SGCZ: variants seen among roughly 807,000 people sequenced by gnomAD.
The protein encoded by SGCZ is zeta-sarcoglycan.
In SGCZ, 40 loss-of-function variants were observed where a neutral mutation model predicts 41.3. That is an observed-to-expected ratio of 0.97 (90% confidence interval 0.75 to 1.26). The LOEUF is 1.26. Ranked by LOEUF, SGCZ falls within the 50% of genes most tolerant of loss-of-function variation. The probability of loss-of-function intolerance (pLI) is 0.00; values close to 1 mark genes in which losing one functional copy is unlikely to be tolerated. For synonymous variants in SGCZ, 206 were observed against 137.5 expected, an observed-to-expected ratio of 1.50 and a Z score of -3.49; for missense variants, 552 against 369.8, an observed-to-expected ratio of 1.49 and a Z score of -4.04.
At chr8:14,782,700 A>G (rs908495117) in intron 1 of SGCZ, among the ~76,000 whole-genome samples, 1 of 152,200 alleles carries the variant, frequency 6.6e-6, no homozygotes, top group Non-Finnish European at 1.5e-5. Context: ...AATTATTAGC[A>G]GATGCAATAA....
At chr8:14,784,799 G>T (rs1489003036) in intron 1 of SGCZ, among the ~76,000 whole-genome samples, 1 of 149,808 alleles carries the variant, frequency 6.7e-6, no homozygotes. Flanking sequence ...CTACTCAGGA[G>T]GCTGAGGCAG....
intron 1 of SGCZ, among the ~76,000 whole-genome samples, chr8:14,625,628 A>C (rs1585134994): frequency 6.6e-6 from 1 of 152,176 alleles, no homozygotes; most frequent in South Asian, 2.1e-4. Flanking sequence ...ACAGGGTCTC[A>C]CTAGGTTTCC....
chr8:14,649,359 G>C (rs997321395), intron 1 of SGCZ, among the ~76,000 whole-genome samples: 6 of 152,080 alleles, frequency 3.9e-5, no homozygotes, highest in African/African-American at 1.4e-4. Flanking sequence ...GTGTTTTCCA[G>C]ATAATATTGC....
intron 1 of SGCZ, among the ~76,000 whole-genome samples, chr8:15,232,730 CAT>C (rs1348543560): frequency 1.1e-4 from 14 of 131,938 alleles, no homozygotes; most frequent in South Asian, 7.5e-4. Context: ...TATATATATA[CAT>C]ATATATGTGT....
chr8:14,165,687 G>A (rs1165684881), intron 4 of SGCZ, among the ~76,000 whole-genome samples: 1 of 152,082 alleles, frequency 6.6e-6, no homozygotes, highest in African/African-American at 2.4e-5. Context: ...CTGAGTCAGG[G>A]AAGTAGGAAT....
chr8:15,223,829 T>C (rs1006824069), intron 1 of SGCZ, among the ~76,000 whole-genome samples: 14 of 151,254 alleles, frequency 9.3e-5, no homozygotes, highest in African/African-American at 1.5e-4. Flanking sequence ...TGGGTTGCAG[T>C]TGCCAGCGAA....
At chr8:14,900,508 C>G (rs1172592560) in intron 1 of SGCZ, among the ~76,000 whole-genome samples, 3 of 152,110 alleles carry the variant, frequency 2.0e-5, no homozygotes, top group Non-Finnish European at 4.4e-5. Flanking sequence ...TGGATTCAGG[C>G]TCCTAAATAA....
rs138441622 is a variant in SGCZ, at chr8:14,828,454, A to G, written c.40-273528T>C. ...GCAAACTCTACTTGATGGTTACCAA[A>G]ACCTTTGTACCTAAATGAGCTGCAG... On this transcript the variant is annotated intron_variant, in intron 1 of 7. Transcript: ENST00000382080. Among the ~76,000 whole-genome samples the G allele has an allele frequency of 6.2e-3, 943 of 152,320 alleles. 49 individuals carry two copies. The highest frequency in any genetic ancestry group is 0.056 in the Admixed American group (851 of 15,310).
At position 14,781,312 on chromosome 8, in the gene SGCZ, A is replaced by C. The variant is rs189513588; in HGVS notation, c.40-226386T>G. ...AATGGCGCCATCTTGGCTCACTGAA[A>C]CGTCAGCCTCCCAGGTTCTAGCGAT... is the stretch of plus-strand genomic sequence containing the variant. On this transcript the variant is annotated intron_variant, in intron 1 of 7. Transcript: ENST00000382080. Among the ~76,000 whole-genome samples, 27 of 152,246 alleles carry C rather than the reference A, an allele frequency of 1.8e-4. No individual in the cohort carries two copies. In the East Asian group the frequency reaches 5.2e-3, roughly 29 times the overall value.
rs61173906 is a variant in SGCZ at position 14,514,059 on chromosome 8, T to G, written c.234+40673A>C. 2.8e-3 allele frequency among the ~76,000 whole-genome samples: 428 copies of G among 152,124 alleles called. 3 individuals carry two copies. Among genetic ancestry groups the G allele is most frequent in the African/African-American group, 9.6e-3 (400 of 41,526 alleles). On this transcript the variant is annotated intron_variant, in intron 2 of 7. Transcript: ENST00000382080. Reference sequence around the variant, plus strand: ...GAGCATAATAAGAACACTGTAGGAGTTGCATTGGTGATAGCAGCATAGGTT... The same window carrying G: ...GAGCATAATAAGAACACTGTAGGAGGTGCATTGGTGATAGCAGCATAGGTT...
At chr8:15,033,060 C>G (rs887147890) in intron 1 of SGCZ, among the ~76,000 whole-genome samples, 1 of 152,152 alleles carries the variant, frequency 6.6e-6, no homozygotes. Context: ...CATGCCAGCC[C>G]TACCTACTAG....
chr8:15,194,147 G>A (rs565006070), intron 1 of SGCZ, among the ~76,000 whole-genome samples: 1 of 151,040 alleles, frequency 6.6e-6, no homozygotes, highest in African/African-American at 2.4e-5. Context: ...TATCCAATGG[G>A]CTACTCACCT....
At chr8:14,478,837 T>C (rs1801438603) in intron 2 of SGCZ, among the ~76,000 whole-genome samples, 1 of 152,186 alleles carries the variant, frequency 6.6e-6, no homozygotes, top group African/African-American at 2.4e-5. Flanking sequence ...ACGAGTTTAT[T>C]TTCTGTTTCA....
intron 1 of SGCZ, among the ~76,000 whole-genome samples, chr8:14,814,554 C>G (rs1287047635): frequency 6.6e-6 from 1 of 152,102 alleles, no homozygotes; most frequent in African/African-American, 2.4e-5. Context: ...ATCTCATAGC[C>G]AAAGAAATAA....
intron 2 of SGCZ, among the ~76,000 whole-genome samples, chr8:14,355,419 C>T (rs1445720880): frequency 6.6e-6 from 1 of 152,054 alleles, no homozygotes; most frequent in Non-Finnish European, 1.5e-5. Context: ...CTAACAGAGA[C>T]TTTCATTTAT....
At chr8:14,312,760 C>T (rs77190265) in intron 3 of SGCZ, among the ~76,000 whole-genome samples, 3 of 152,090 alleles carry the variant, frequency 2.0e-5, no homozygotes, top group African/African-American at 7.2e-5. Context: ...AAATTCCTAT[C>T]CACTGGAGAG....
chr8:14,147,100 C>T (rs1803551260), intron 5 of SGCZ, among the ~76,000 whole-genome samples: 1 of 151,580 alleles, frequency 6.6e-6, no homozygotes, highest in South Asian at 2.1e-4. Context: ...TAATCTCAAA[C>T]CAAATATGTA....
Position 14,440,851 on chromosome 8 carries a change from G to GTACA in SGCZ, c.234+113877_234+113880dup, listed in dbSNP as rs201170699. Among the ~76,000 whole-genome samples, 1,088 of 129,860 alleles carry GTACA rather than the reference G, an allele frequency of 8.4e-3. 37 individuals are homozygous for GTACA. Among genetic ancestry groups the GTACA allele is most frequent in the African/African-American group, 0.03 (985 of 32,518 alleles). The allele number at this position is 129,860 out of a possible 152,430, so 85.2% of individuals were successfully genotyped here. A position where few individuals can be genotyped will look rare whatever the true frequency, so the allele number is the denominator to read the frequency against. On this transcript the variant is annotated intron_variant, in intron 2 of 7. Coordinates refer to ENST00000382080, the MANE Select transcript of SGCZ (RefSeq NM_139167.4). ...TACATACATATATGTGTACATATAT[G>GTACA]TACACACACACACACACACACGCAC...
At chr8:14,146,171 T>C (rs1000306931) in intron 5 of SGCZ, among the ~76,000 whole-genome samples, 4 of 151,978 alleles carry the variant, frequency 2.6e-5, no homozygotes, top group Admixed American at 6.5e-5. Context: ...CAAAAGTCAA[T>C]GATAAAGAAA....
Sources: gnomAD v4.1 joint callset for allele counts (sites outside exome capture counted in the v4.1 genomes callset) on GRCh38, gnomAD v4.1.1 for gene constraint, MANE v1.5 for transcripts, NCBI Gene and HGNC (gene_info 2026-07-23, HGNC 2026-07-21) for gene names.